The following PNPLA6 variants were observed in gnomAD, a reference collection of about 807,000 sequenced individuals.
PNPLA6 encodes patatin like domain 6, lysophospholipase, also known as patatin-like phospholipase domain-containing protein 6.
A neutral mutation model predicts 153.7 loss-of-function variants in PNPLA6; 105 were observed. The observed-to-expected ratio is 0.68, with a 90% CI of 0.58 to 0.80. PNPLA6 has a LOEUF of 0.80. Among genes scored for constraint, PNPLA6 ranks in the 30% least tolerant of loss-of-function variants. The pLI is 0.00. For missense variants in PNPLA6, 1,423 were observed against 1,919.3 expected (o/e 0.74, Z 4.83); for synonymous variants, 825 against 822.2 (o/e 1.00, Z -0.06).
rs535490318 is a variant in PNPLA6 at position 7,554,222 on chromosome 19, C to G, written c.2415C>G (p.Leu805=). The G allele has an allele frequency of 1.5e-5, 25 of 1,614,000 alleles. No individual in the cohort carries two copies. In the South Asian group the frequency reaches 2.7e-4, roughly 18 times the overall value. Residue 805 remains leucine (L), a synonymous_variant, in exon 20 of 32, where the codon CTC becomes CTG. Transcript: ENST00000600737. ...ACCTACCCCTAGGTCCGACGCTACTCCTTAACAGTGACATCATCCGGGCAC... is the reference window on the plus strand; with the variant it reads ...ACCTACCCCTAGGTCCGACGCTACTGCTTAACAGTGACATCATCCGGGCAC... ...HALQAIGPTL[L]LNSDIIRARL... is the part of the protein sequence containing the mutation.
At position 7,561,567 on chromosome 19, in the gene PNPLA6, C is replaced by A. The variant is rs1385271108; in HGVS notation, c.*5C>A. On this transcript the variant is annotated 3_prime_UTR_variant, in exon 32 of 32. Coordinates refer to ENST00000600737, the MANE Select transcript of PNPLA6 (RefSeq NM_001166114.2). ...GGCTCAGCCACAGATGCCTGAGGACCTCGACAGGGGTCACCCCCTCCCTCC... is the reference window on the plus strand; with the variant it reads ...GGCTCAGCCACAGATGCCTGAGGACATCGACAGGGGTCACCCCCTCCCTCC... 1 of 1,589,504 alleles carries A rather than the reference C, an allele frequency of 6.3e-7. No individual in the cohort carries two copies. The highest frequency in any genetic ancestry group is 2.3e-5 in the East Asian group (1 of 44,062).
In PNPLA6 at chr19:7,554,937, G is replaced by T; in HGVS notation, c.2679G>T (p.Gln893His). Residue 893 changes from glutamine (Q) to histidine (H), a missense_variant, in exon 22 of 32, where the codon CAG (glutamine) becomes CAT (histidine). Gln to His is a conservative substitution (Grantham distance 24). Around this residue, in one of 10 missense-constraint regions of PNPLA6, gnomAD observed 643 missense variants for 835.2 expected, o/e 0.77. Transcript: ENST00000600737. ...LENTAVRALK[Q>H]LVLLHREEGA... ...ACACGGCTGTGCGCGCCCTTAAGCAGCTAGTCCTGCTCCACCGAGAGGAGG... is the reference window on the plus strand; with the variant it reads ...ACACGGCTGTGCGCGCCCTTAAGCATCTAGTCCTGCTCCACCGAGAGGAGG... The T allele has an allele frequency of 6.3e-7, 1 of 1,588,480 alleles. No individual in the cohort carries two copies.
chr19:7,534,199 A>G (rs2022734827), upstream of PNPLA6: 1 of 348,168 alleles, frequency 2.9e-6, no homozygotes, highest in South Asian at 2.5e-5. Flanking sequence ...GCGGAACGCT[A>G]GCGGTGTTGG....
At chr19:7,552,270 G>C (rs2023684208) in intron 18 of PNPLA6, among the ~76,000 whole-genome samples, 1 of 152,170 alleles carries the variant, frequency 6.6e-6, no homozygotes, top group South Asian at 2.1e-4. Context: ...AGCTAGAACA[G>C]AATGGGGCGT....
chr19:7,537,918 G>A (rs991750468), intron 3 of PNPLA6, among the ~76,000 whole-genome samples: 49 of 152,224 alleles, frequency 3.2e-4, no homozygotes, highest in Non-Finnish European at 7.4e-5. Flanking sequence ...GGGATTACAG[G>A]CATGAGCGAC....
Position 7,552,733 on chromosome 19 carries a change from C to T in PNPLA6, c.2261-1142C>T, listed in dbSNP as rs546641163. Among the ~76,000 whole-genome samples, 9 of 117,460 alleles carry T rather than the reference C, an allele frequency of 7.7e-5. No individual in the cohort carries two copies. The South Asian group carries it at 2.4e-3, about 32-fold the overall frequency. The allele number at this position is 117,460 out of a possible 152,430, so 77.1% of individuals were successfully genotyped here. On this transcript the variant is annotated intron_variant, in intron 18 of 31. Coordinates refer to ENST00000600737, the MANE Select transcript of PNPLA6 (RefSeq NM_001166114.2). Reference sequence around the variant, plus strand: ...CTACGCCATTGCACTCCAGCCTGGGCAACCAGAGCAAAACTCCATCTCAAA... The same window carrying T: ...CTACGCCATTGCACTCCAGCCTGGGTAACCAGAGCAAAACTCCATCTCAAA...
At chr19:7,536,425 C>G (rs1568404477) in intron 2 of PNPLA6, 24 bp from the exon 3 acceptor site, 2 of 1,549,068 alleles carry the variant, frequency 1.3e-6, no homozygotes, top group African/African-American at 2.7e-5. Context: ...AGCAATTCAC[C>G]CATCTCCGCC....
At chr19:7,536,122 G>C in intron 1 of PNPLA6, 69 bp from the exon 2 acceptor site, 3 of 1,535,156 alleles carry the variant, frequency 2.0e-6, no homozygotes, top group Non-Finnish European at 2.7e-6. Context: ...GTCTGTTCGC[G>C]GTACCCCAGC....
intron 13 of PNPLA6, among the ~76,000 whole-genome samples, chr19:7,547,800 G>A (rs1224733072): frequency 1.4e-5 from 1 of 72,382 alleles, no homozygotes; most frequent in Non-Finnish European, 2.8e-5. Flanking sequence ...ACCATGCCTG[G>A]CTAATTAAAA....
intron 3 of PNPLA6, among the ~76,000 whole-genome samples, chr19:7,538,926 C>A (rs1447332135): frequency 6.6e-6 from 1 of 152,208 alleles, no homozygotes; most frequent in Non-Finnish European, 1.5e-5. Flanking sequence ...CTACCCTTAT[C>A]TTGGAAGCTA....
Position 7,555,609 on chromosome 19 carries a change from G to A in PNPLA6, c.2939G>A (p.Gly980Asp), listed in dbSNP as rs201902695. 6.2e-7 allele frequency: 1 copy of A among 1,611,562 alleles called. No individual in the cohort carries two copies. The highest frequency in any genetic ancestry group is 1.1e-5 in the South Asian group (1 of 90,964). ...ALVLGGGGAR[G>D]CSHIGVLKAL... ...ACTGGGGCCCATTTTCCCGGCAGGG[G>A]CTGCTCGCACATCGGAGTACTAAAG... Residue 980 changes from glycine to aspartate, a missense_variant and splice_region_variant, in exon 24 of 32, where the codon GGC becomes GAC. This residue lies in a region of PNPLA6 where 643 missense variants were observed against 835.2 expected (regional missense o/e 0.77). Coordinates refer to ENST00000600737, the MANE Select transcript of PNPLA6 (RefSeq NM_001166114.2). This position sits in a 1 kb window ranked among gnomAD's most constrained non-coding sequence, Gnocchi z 6.3.
At chr19:7,552,498 G>A (rs969283314) in intron 18 of PNPLA6, among the ~76,000 whole-genome samples, 5 of 152,162 alleles carry the variant, frequency 3.3e-5, no homozygotes, top group African/African-American at 7.2e-5. Flanking sequence ...GGTCACGCCT[G>A]TAATCTCAGC....
chr19:7,557,314 G>A lies in PNPLA6; in HGVS notation c.3397+30G>A, dbSNP rs369297133. Reference sequence around the variant, plus strand: ...GTGGCCGCCCGCACCACCCGCACACGCAAGCACCTCCCGCACCACACACAC... The same window carrying A: ...GTGGCCGCCCGCACCACCCGCACACACAAGCACCTCCCGCACCACACACAC... On this transcript the variant is annotated intron_variant, in intron 27 of 31. Coordinates refer to ENST00000600737, the MANE Select transcript of PNPLA6 (RefSeq NM_001166114.2). The A allele has an allele frequency of 1.4e-4, 183 of 1,335,866 alleles. No homozygotes were observed. The African/African-American group carries it at 2.0e-3, about 14-fold the overall frequency. The allele number at this position is 1,335,866 out of a possible 1,614,324, so 82.8% of individuals were successfully genotyped here. A position where few individuals can be genotyped will look rare whatever the true frequency, so the allele number is the denominator to read the frequency against.
Position 7,561,627 on chromosome 19 carries a change from G to T in PNPLA6, c.*65G>T, listed in dbSNP as rs1410676319. The T allele has an allele frequency of 8.9e-7, 1 of 1,126,566 alleles. No homozygotes were observed. Among genetic ancestry groups the T allele is most frequent in the Non-Finnish European group, 1.3e-6 (1 of 771,362 alleles). 69.8% of individuals were successfully genotyped at this position (1,126,566 alleles called of 1,614,324 possible). On this transcript the variant is annotated 3_prime_UTR_variant, in exon 32 of 32. Coordinates refer to ENST00000600737, the MANE Select transcript of PNPLA6 (RefSeq NM_001166114.2). ...ACTGGGCTGGGGGTGGCCCCGTGGGGGTAGCTCACTCCCCCTCCTGCTGCT... is the reference window on the plus strand; with the variant it reads ...ACTGGGCTGGGGGTGGCCCCGTGGGTGTAGCTCACTCCCCCTCCTGCTGCT...
At position 7,545,459 on chromosome 19, in the gene PNPLA6, A is replaced by G. The variant is rs911430769; in HGVS notation, c.1608+2375A>G. On this transcript the variant is annotated intron_variant, in intron 13 of 31. Coordinates refer to ENST00000600737, the MANE Select transcript of PNPLA6 (RefSeq NM_001166114.2). ...GGTACCAGACAGGTTGGTGTGGTGG[A>G]TAAAGAAGGAATCTCTCCATTTCTG... Among the ~76,000 whole-genome samples, 5 of 152,266 alleles carry G rather than the reference A, an allele frequency of 3.3e-5. No individual in the cohort carries two copies. The East Asian group carries it at 9.6e-4, about 29-fold the overall frequency.
rs777466386 is a variant in PNPLA6, at chr19:7,535,817, C to G, written c.29C>G (p.Thr10Arg). 7 of 1,536,716 alleles carry G rather than the reference C, an allele frequency of 4.6e-6. No individual in the cohort carries two copies. The African/African-American group carries it at 9.6e-5, about 21-fold the overall frequency. Residue 10 changes from threonine (T) to arginine (R), a missense_variant, in exon 1 of 32, where the codon ACG becomes AGG. Physicochemically the swap from Thr to Arg is moderately conservative, Grantham distance 71. Transcript: ENST00000600737. The surrounding 1 kb of genome is among the most constrained non-coding windows in gnomAD (Gnocchi z 5.0). MGTSSHGLA[T>R]NSSGAKVAER... ...GGGACATCGAGTCACGGGCTGGCTA[C>G]GAACTCCTCGGGGGCGAAGGTGGCG...
chr19:7,544,522 T>C (rs1354406894), intron 13 of PNPLA6, among the ~76,000 whole-genome samples: 1 of 152,122 alleles, frequency 6.6e-6, no homozygotes, highest in African/African-American at 2.4e-5. Context: ...AACCATACAG[T>C]CCATTATCCA....
chr19:7,546,047 A>T (rs1270310118), intron 13 of PNPLA6, among the ~76,000 whole-genome samples: 5 of 152,168 alleles, frequency 3.3e-5, no homozygotes, highest in African/African-American at 1.2e-4. Context: ...AGTGTCACAA[A>T]GGAAATGATC....
chr19:7,542,575 C>A lies in PNPLA6; in HGVS notation c.1267C>A (p.Pro423Thr), dbSNP rs568194904. The part of the protein sequence containing the change: ...PGDISGLQGG[P>T]RSDFDMAYER... ...CCTGCCTGCAGGCTTGCAGGGTGGCCCCCGCTCCGACTTCGACATGGCCTA... is the reference window on the plus strand; with the variant it reads ...CCTGCCTGCAGGCTTGCAGGGTGGCACCCGCTCCGACTTCGACATGGCCTA... The change falls in exon 11 of 32, where the codon CCC becomes ACC. Residue 423 changes from proline to threonine, a missense_variant. Coordinates refer to ENST00000600737, the MANE Select transcript of PNPLA6 (RefSeq NM_001166114.2). 3 of 1,613,712 alleles carry A rather than the reference C, an allele frequency of 1.9e-6. No individual in the cohort carries two copies. In the South Asian group the frequency reaches 3.3e-5, roughly 18 times the overall value.
Sources: allele counts gnomAD v4.1 joint callset (sites outside exome capture counted in the v4.1 genomes callset), GRCh38; gene constraint gnomAD v4.1.1; regional missense constraint gnomAD v4.1.1; non-coding constraint Gnocchi (gnomAD v3.1); transcripts MANE v1.5; gene names NCBI Gene and HGNC (gene_info 2026-07-23, HGNC 2026-07-21).